The following TTC28 variants were observed in gnomAD, a reference collection of about 807,000 sequenced individuals.
TTC28 encodes the protein tetratricopeptide repeat domain 28.
In TTC28, 61 loss-of-function variants were observed where a neutral mutation model predicts 198.0. The ratio of observed to expected loss-of-function variants is 0.31; its 90% CI spans 0.25 to 0.38. The LOEUF is 0.38. Among genes scored for constraint, TTC28 ranks in the 10% least tolerant of loss-of-function variants. The pLI is 1.00. For missense variants in TTC28, 2,678 were observed against 3,164.0 expected (o/e 0.85, Z 3.69); for synonymous variants, 1,171 against 1,297.8 (o/e 0.90, Z 2.10).
intron 6 of TTC28, among the ~76,000 whole-genome samples, chr22:28,161,804 G>A (rs866053947): frequency 6.7e-6 from 1 of 148,288 alleles, no homozygotes; most frequent in African/African-American, 2.5e-5. Flanking sequence ...GAGGAAGGGA[G>A]GGAGGGAAGG....
chr22:28,163,528 G>A lies in TTC28; in HGVS notation c.1005C>T (p.Ala335=), dbSNP rs184677006. Residue 335 remains alanine (A), a synonymous_variant, in exon 6 of 23, where the codon GCC becomes GCT. Coordinates refer to ENST00000397906, the MANE Select transcript of TTC28 (RefSeq NM_001145418.2). ...TAIGDYPNAL[A]SHKQCVLLAK... The stretch of plus-strand genomic sequence containing the variant: ...CAAGAAGAACACACTGTTTGTGACT[G>A]GCCAGTGCATTGGGGTAGTCTCCAA... 995 of 1,551,722 alleles carry A rather than the reference G, an allele frequency of 6.4e-4. 1 individual carries two copies. The highest frequency in any genetic ancestry group is 1.5e-3 in the Middle Eastern group (9 of 5,992).
At chr22:28,084,139 G>T (rs953438943) in intron 12 of TTC28, among the ~76,000 whole-genome samples, 5 of 152,166 alleles carry the variant, frequency 3.3e-5, no homozygotes, top group African/African-American at 9.7e-5. Flanking sequence ...TAAATGTCCC[G>T]GTCTGACAGC....
At chr22:28,298,434 T>A (rs2044946361) in intron 3 of TTC28, among the ~76,000 whole-genome samples, 1 of 152,168 alleles carries the variant, frequency 6.6e-6, no homozygotes, top group African/African-American at 2.4e-5. Context: ...TGAAAGTCCC[T>A]AACATGTCTG....
Position 28,167,475 on chromosome 22 carries a change from G to C in TTC28, c.934-3876C>G, listed in dbSNP as rs1288422879. 3.9e-5 allele frequency among the ~76,000 whole-genome samples: 6 copies of C among 152,278 alleles called. No individual in the cohort carries two copies. In the South Asian group the frequency reaches 1.2e-3, roughly 32 times the overall value. On this transcript the variant is annotated intron_variant, in intron 5 of 22. Coordinates refer to ENST00000397906, the MANE Select transcript of TTC28 (RefSeq NM_001145418.2). ...GCATATCAAAAAGCTTATACACCAC[G>C]ATCACGTGGACTTCATCTCTGCGAT...
intron 2 of TTC28, among the ~76,000 whole-genome samples, chr22:28,554,728 G>A (rs1369106877): frequency 2.0e-5 from 3 of 151,878 alleles, no homozygotes; most frequent in Non-Finnish European, 4.4e-5. Context: ...AAAATTAACC[G>A]GGTGTGGTGG....
chr22:28,367,004 C>A (rs2046258595), intron 2 of TTC28, among the ~76,000 whole-genome samples: 3 of 151,934 alleles, frequency 2.0e-5, no homozygotes, highest in Admixed American at 2.0e-4. Context: ...ACTTCAATAG[C>A]CCACTTTCAG....
At chr22:28,580,178 C>T (rs1183532225) in intron 2 of TTC28, among the ~76,000 whole-genome samples, 1 of 152,088 alleles carries the variant, frequency 6.6e-6, no homozygotes, top group African/African-American at 2.4e-5. Flanking sequence ...TGTCAAATAA[C>T]AGGTGATTAA....
At chr22:27,992,382 C>T in intron 19 of TTC28, 1 of 596,960 alleles carries the variant, frequency 1.7e-6, no homozygotes, top group Admixed American at 3.1e-5. Context: ...GCACGGATGC[C>T]TTGGCATCGC....
intron 2 of TTC28, among the ~76,000 whole-genome samples, chr22:28,456,398 G>T (rs1448661956): frequency 1.3e-5 from 2 of 152,160 alleles, no homozygotes; most frequent in Non-Finnish European, 2.9e-5. Flanking sequence ...ATTAGATAAT[G>T]GTGATGGTTG....
At chr22:28,064,792 T>C (rs1156598306) in intron 12 of TTC28, among the ~76,000 whole-genome samples, 1 of 152,270 alleles carries the variant, frequency 6.6e-6, no homozygotes, top group East Asian at 1.9e-4. Flanking sequence ...TGAGTGAGAC[T>C]ATCTTGGAAA....
intron 6 of TTC28, among the ~76,000 whole-genome samples, chr22:28,156,612 G>T (rs1391150597): frequency 6.6e-6 from 1 of 152,202 alleles, no homozygotes; most frequent in Non-Finnish European, 1.5e-5. Context: ...CTAGAAAAAA[G>T]GATGTTCCAC....
intron 5 of TTC28, among the ~76,000 whole-genome samples, chr22:28,189,744 T>C (rs1410883848): frequency 1.3e-5 from 2 of 152,130 alleles, no homozygotes; most frequent in Non-Finnish European, 2.9e-5. Context: ...TAGAATTCTA[T>C]TCCTAGCCAA....
intron 6 of TTC28, among the ~76,000 whole-genome samples, chr22:28,114,413 T>G (rs2146921764): frequency 6.6e-6 from 1 of 152,284 alleles, no homozygotes; most frequent in South Asian, 2.1e-4. Context: ...CAGACCTGGT[T>G]AGTAAACAGA....
At chr22:28,270,214 G>C (rs1205175452) in intron 5 of TTC28, among the ~76,000 whole-genome samples, 1 of 152,098 alleles carries the variant, frequency 6.6e-6, no homozygotes, top group African/African-American at 2.4e-5. Flanking sequence ...CAATTCAAAG[G>C]GGGAAAAAAC....
rs1937487298 is a variant in TTC28, at chr22:27,993,453, A to G, written c.5310T>C (p.Ser1770=). ...GGATGCCGCCCACTTTGTTCTCCAC[A>G]CTCTGCTGGGATGTGTACATGGCAT... ...QRNAMYTSQQ[S]VENKVGGIPG... Residue 1770 remains serine, a synonymous_variant, in exon 18 of 23, where the codon AGT becomes AGC. Transcript: ENST00000397906. 4 of 1,551,410 alleles carry G rather than the reference A, an allele frequency of 2.6e-6. No homozygotes were observed. Among genetic ancestry groups the G allele is most frequent in the Non-Finnish European group, 2.6e-6 (3 of 1,146,930 alleles).
At chr22:28,211,439 T>C (rs1026761691) in intron 5 of TTC28, among the ~76,000 whole-genome samples, 1 of 152,016 alleles carries the variant, frequency 6.6e-6, no homozygotes, top group African/African-American at 2.4e-5. Flanking sequence ...TGGAGGAAGA[T>C]CTACCAAGCA....
intron 2 of TTC28, among the ~76,000 whole-genome samples, chr22:28,455,225 C>T (rs2047841108): frequency 6.6e-6 from 1 of 152,190 alleles, no homozygotes; most frequent in African/African-American, 2.4e-5. Flanking sequence ...ATGTTAGCAG[C>T]TGAGGTTAGG....
intron 2 of TTC28, among the ~76,000 whole-genome samples, chr22:28,530,285 C>T (rs541765730): frequency 2.6e-5 from 4 of 151,982 alleles, no homozygotes; most frequent in East Asian, 1.9e-4. Context: ...GCAGCCGATT[C>T]GATCAAGTGG....
At chr22:28,386,274 CAAAAAAAAAAAAAAAAAAA>C (rs71194764) in intron 2 of TTC28, among the ~76,000 whole-genome samples, 2 of 52,238 alleles carry the variant, frequency 3.8e-5, no homozygotes, top group East Asian at 1.2e-3. Flanking sequence ...GACTCCGTCT[CAAAAAAAAAAAAAAAAAAA>C]AAAAAAAAAA....
Sources: gnomAD v4.1 joint callset for allele counts (sites outside exome capture counted in the v4.1 genomes callset) on GRCh38, gnomAD v4.1.1 for gene constraint, MANE v1.5 for transcripts, NCBI Gene and HGNC (gene_info 2026-07-23, HGNC 2026-07-21) for gene names.